Variants in GXYLT2 observed in about 807,000 individuals in gnomAD.
GXYLT2 encodes the protein glycosyltransferase 8 domain containing 4.
GXYLT2 carries 53 observed loss-of-function variants against 45.8 expected under a neutral mutation model. The ratio of observed to expected loss-of-function variants is 1.16; its 90% CI spans 0.93 to 1.46. GXYLT2 has a LOEUF of 1.46. Ranked by LOEUF, GXYLT2 falls within the 40% of genes most tolerant of loss-of-function variation. GXYLT2 has a pLI of 0.00. For synonymous variants in GXYLT2, 219 were observed against 214.2 expected (o/e 1.02, Z -0.19); for missense variants, 551 against 544.4 (o/e 1.01, Z -0.12).
intron 1 of GXYLT2, among the ~76,000 whole-genome samples, chr3:72,897,027 G>C (rs1709305192): frequency 6.6e-6 from 1 of 152,068 alleles, no homozygotes; most frequent in Admixed American, 6.6e-5. Context: ...TAGTAATAAT[G>C]ATGATGATAA....
chr3:72,945,842 A>G (rs1710392487), intron 3 of GXYLT2, among the ~76,000 whole-genome samples: 1 of 152,188 alleles, frequency 6.6e-6, no homozygotes. Flanking sequence ...GGAAGCATTA[A>G]TTTTCACACT....
intron 6 of GXYLT2, among the ~76,000 whole-genome samples, chr3:72,968,016 C>G (rs1053448964): frequency 3.9e-5 from 6 of 152,120 alleles, no homozygotes; most frequent in African/African-American, 1.4e-4. Context: ...CTCTGTTACC[C>G]AGGCTGGAGT....
At chr3:72,955,559 A>G (rs1710624182) in intron 4 of GXYLT2, among the ~76,000 whole-genome samples, 1 of 152,236 alleles carries the variant, frequency 6.6e-6, no homozygotes, top group African/African-American at 2.4e-5. Flanking sequence ...GCTTCAGCAA[A>G]GTCGCCATTC....
intron 3 of GXYLT2, chr3:72,929,236 A>C (rs1040424051): frequency 6.4e-7 from 1 of 1,555,198 alleles, no homozygotes; most frequent in Non-Finnish European, 8.8e-7. Context: ...AGGAGAGGGA[A>C]CATGCCGAGA....
chr3:72,970,648 T>C (rs1378609781), intron 6 of GXYLT2, among the ~76,000 whole-genome samples: 1 of 151,978 alleles, frequency 6.6e-6, no homozygotes, highest in African/African-American at 2.4e-5. Flanking sequence ...TCACCTGAGG[T>C]CGGGAGTTCG....
At chr3:72,940,652 G>A (rs746699556) in intron 3 of GXYLT2, among the ~76,000 whole-genome samples, 9 of 152,148 alleles carry the variant, frequency 5.9e-5, no homozygotes, top group Non-Finnish European at 8.8e-5. Flanking sequence ...ATGAATTTGT[G>A]TATTGTGGAA....
chr3:72,896,251 A>G (rs1332267662), intron 1 of GXYLT2, among the ~76,000 whole-genome samples: 1 of 152,198 alleles, frequency 6.6e-6, no homozygotes, highest in Admixed American at 6.5e-5. Context: ...CCACACCAGA[A>G]ACTCCCAGCA....
chr3:72,893,893 G>A (rs544530933), intron 1 of GXYLT2, among the ~76,000 whole-genome samples: 2 of 151,758 alleles, frequency 1.3e-5, no homozygotes, highest in South Asian at 4.2e-4. Context: ...CCCCAAGGGA[G>A]TGTCTAAGCC....
chr3:72,925,430 A>G lies in GXYLT2; in HGVS notation c.600+3095A>G, dbSNP rs144403725. Among the ~76,000 whole-genome samples, 23 of 152,288 alleles carry G rather than the reference A, an allele frequency of 1.5e-4. No homozygotes were observed. The East Asian group carries it at 4.4e-3, about 29-fold the overall frequency. On this transcript the variant is annotated intron_variant, in intron 3 of 6. Coordinates refer to ENST00000389617, the MANE Select transcript of GXYLT2 (RefSeq NM_001080393.2). Reference sequence around the variant, plus strand: ...CTCGGCCTCCCAAAGTGCTGAGATTACAGGCATGAGCCACTGCGCCTGGCC... The same window carrying G: ...CTCGGCCTCCCAAAGTGCTGAGATTGCAGGCATGAGCCACTGCGCCTGGCC...
chr3:72,929,589 G>C lies in GXYLT2; in HGVS notation c.600+7254G>C, dbSNP rs1575795902. On this transcript the variant is annotated intron_variant, in intron 3 of 6. Transcript: ENST00000389617. ...GCACACGCTGGGAGACAGTGATAAC[G>C]AAAGCTAAGCCTCAGGCTAATTTCC... 9 of 1,057,356 alleles carry C rather than the reference G, an allele frequency of 8.5e-6. No homozygotes were observed. The East Asian group carries it at 1.9e-4, about 22-fold the overall frequency. 65.5% of individuals were successfully genotyped at this position (1,057,356 alleles called of 1,614,324 possible).
intron 1 of GXYLT2, among the ~76,000 whole-genome samples, chr3:72,892,231 G>A (rs534644504): frequency 1.4e-4 from 22 of 152,292 alleles, no homozygotes; most frequent in Admixed American, 1.4e-3. Flanking sequence ...TCCCAACAAT[G>A]GTTATTGCAT....
At chr3:72,892,026 G>C (rs142454872) in intron 1 of GXYLT2, among the ~76,000 whole-genome samples, 40 of 152,258 alleles carry the variant, frequency 2.6e-4, no homozygotes, top group African/African-American at 9.4e-4. Flanking sequence ...GAAAAGGAAG[G>C]TTAACTGCTA....
intron 1 of GXYLT2, among the ~76,000 whole-genome samples, chr3:72,904,863 C>G (rs1419608078): frequency 5.9e-5 from 8 of 136,278 alleles, no homozygotes; most frequent in African/African-American, 2.2e-4. Flanking sequence ...AAAACCCCAT[C>G]TCTACTAAAG....
intron 3 of GXYLT2, among the ~76,000 whole-genome samples, chr3:72,946,677 T>G (rs1381135495): frequency 6.6e-6 from 1 of 152,212 alleles, no homozygotes; most frequent in Non-Finnish European, 1.5e-5. Context: ...GGCTCCACCC[T>G]TATAACCTTA....
chr3:72,913,023 G>GTTTTTTTTTTT (rs1709662119), intron 2 of GXYLT2, among the ~76,000 whole-genome samples: 2 of 148,866 alleles, frequency 1.3e-5, no homozygotes, highest in African/African-American at 5.2e-5. Context: ...CATTTCCTCA[G>GTTTTTTTTTTT]GTTTTTTTTT....
intron 3 of GXYLT2, among the ~76,000 whole-genome samples, chr3:72,930,664 G>A (rs1710012208): frequency 7.4e-6 from 1 of 134,260 alleles, no homozygotes; most frequent in African/African-American, 2.8e-5. Context: ...TATGATCATG[G>A]CTCACTGCAG....
At chr3:72,896,922 AATAAC>A (rs1162913722) in intron 1 of GXYLT2, among the ~76,000 whole-genome samples, 1 of 152,164 alleles carries the variant, frequency 6.6e-6, no homozygotes, top group Non-Finnish European at 1.5e-5. Flanking sequence ...TGACACATAA[AATAAC>A]ATGCTTTTTG....
intron 3 of GXYLT2, among the ~76,000 whole-genome samples, chr3:72,936,309 A>G (rs1207418237): frequency 2.1e-5 from 3 of 141,424 alleles, no homozygotes; most frequent in East Asian, 2.7e-4. Context: ...AGAAAAAAAA[A>G]AAAAAAGAAA....
In GXYLT2 at chr3:72,929,239, T is replaced by C. The variant is rs1709978895; in HGVS notation, c.600+6904T>C. On this transcript the variant is annotated intron_variant, in intron 3 of 6. Coordinates refer to ENST00000389617, the MANE Select transcript of GXYLT2 (RefSeq NM_001080393.2). ...ACCAATCTCATGAGGAGAGGGAACA[T>C]GCCGAGAAACTGATGACGTTGCAGA... The C allele has an allele frequency of 1.6e-5, 25 of 1,552,882 alleles. No homozygotes were observed. In the South Asian group the frequency reaches 2.7e-4, roughly 17 times the overall value.
Sources: gnomAD v4.1 joint callset for allele counts (sites outside exome capture counted in the v4.1 genomes callset) on GRCh38, gnomAD v4.1.1 for gene constraint, MANE v1.5 for transcripts, NCBI Gene and HGNC (gene_info 2026-07-23, HGNC 2026-07-21) for gene names.